The following EDIL3 variants were observed in gnomAD, a reference collection of about 807,000 sequenced individuals.
EDIL3 encodes EGF-like repeat and discoidin I-like domain-containing protein 3.
A neutral mutation model predicts 67.4 loss-of-function variants in EDIL3; 37 were observed. That is an observed-to-expected ratio of 0.55 (90% confidence interval 0.42 to 0.72). The LOEUF (loss-of-function observed/expected upper bound fraction) is 0.72, where lower values mean the gene tolerates loss of function less well. EDIL3 is among the 30% of genes least tolerant of loss of function. The probability of loss-of-function intolerance (pLI) is 0.00; values close to 1 mark genes in which losing one functional copy is unlikely to be tolerated. For synonymous variants in EDIL3, 195 were observed against 196.3 expected (o/e 0.99, Z 0.05); for missense variants, 527 against 586.3 (o/e 0.90, Z 1.04).
At chr5:84,152,079 C>A (rs1371998728) in intron 4 of EDIL3, among the ~76,000 whole-genome samples, 1 of 151,940 alleles carries the variant, frequency 6.6e-6, no homozygotes, top group African/African-American at 2.4e-5. Context: ...GCCACCATGC[C>A]CAGCTAATTT....
intron 6 of EDIL3, among the ~76,000 whole-genome samples, chr5:84,088,957 T>G (rs1747118584): frequency 6.6e-6 from 1 of 152,134 alleles, no homozygotes; most frequent in South Asian, 2.1e-4. Flanking sequence ...TAAAGGAGAA[T>G]AAATACACTC....
intron 6 of EDIL3, among the ~76,000 whole-genome samples, chr5:84,090,208 G>A (rs1747140154): frequency 6.6e-6 from 1 of 152,264 alleles, no homozygotes; most frequent in Admixed American, 6.5e-5. Flanking sequence ...ACTAGTAGAG[G>A]CAGGTTAATA....
At position 83,942,683 on chromosome 5, in the gene EDIL3, T is replaced by C. The variant is rs1348043211; in HGVS notation, c.*736A>G. On this transcript the variant is annotated 3_prime_UTR_variant, in exon 11 of 11. Coordinates refer to ENST00000296591, the MANE Select transcript of EDIL3 (RefSeq NM_005711.5). The stretch of plus-strand genomic sequence containing the variant: ...TTAACGAATATTAAATACAGATCAA[T>C]CTACTGATAGGCAGTCATGTTCTAC... The C allele has an allele frequency of 6.6e-6, 1 of 152,040 alleles. No homozygotes were observed. The highest frequency in any genetic ancestry group is 1.5e-5 in the Non-Finnish European group (1 of 67,966). The allele number at this position is 152,040 out of a possible 1,614,324, so 9.4% of individuals were successfully genotyped here. A position where few individuals can be genotyped will look rare whatever the true frequency, so the allele number is the denominator to read the frequency against.
intron 1 of EDIL3, among the ~76,000 whole-genome samples, chr5:84,362,176 T>C (rs905893565): frequency 1.3e-5 from 2 of 152,116 alleles, no homozygotes; most frequent in Non-Finnish European, 2.9e-5. Flanking sequence ...TTAAAAGATG[T>C]AACAGCATCT....
At chr5:84,105,524 A>C (rs1026787792) in intron 6 of EDIL3, among the ~76,000 whole-genome samples, 1 of 152,020 alleles carries the variant, frequency 6.6e-6, no homozygotes, top group Non-Finnish European at 1.5e-5. Context: ...TGTATAGTAC[A>C]CCTAATTATG....
intron 1 of EDIL3, among the ~76,000 whole-genome samples, chr5:84,312,315 C>T (rs1366877552): frequency 1.5e-5 from 2 of 135,120 alleles, no homozygotes; most frequent in African/African-American, 5.6e-5. Context: ...CCCGACGGGG[C>T]GGCTGGCCGG....
At chr5:84,370,929 AT>A (rs1747829781) in intron 1 of EDIL3, among the ~76,000 whole-genome samples, 1 of 152,078 alleles carries the variant, frequency 6.6e-6, no homozygotes, top group Non-Finnish European at 1.5e-5. Flanking sequence ...GCATGCATGC[AT>A]GCATGCATAA....
At chr5:84,037,983 T>G (rs967626953) in intron 9 of EDIL3, among the ~76,000 whole-genome samples, 56 of 137,350 alleles carry the variant, frequency 4.1e-4, no homozygotes, top group Non-Finnish European at 7.0e-4. Flanking sequence ...TTTTCTTTCT[T>G]TCTTGTTTTT....
At chr5:84,141,944 T>TACATAC (rs1561443822) in intron 4 of EDIL3, among the ~76,000 whole-genome samples, 2 of 102,696 alleles carry the variant, frequency 1.9e-5, no homozygotes, top group African/African-American at 7.8e-5. Flanking sequence ...TATATATATA[T>TACATAC]ATACATAGAT....
chr5:84,194,909 T>C (rs1169347308), intron 3 of EDIL3, among the ~76,000 whole-genome samples: 3 of 151,942 alleles, frequency 2.0e-5, no homozygotes, highest in East Asian at 1.9e-4. Flanking sequence ...CTCAGTTTGA[T>C]TGAAATGATA....
At chr5:83,997,617 A>G (rs192194120) in intron 9 of EDIL3, among the ~76,000 whole-genome samples, 35 of 152,290 alleles carry the variant, frequency 2.3e-4, no homozygotes, top group Non-Finnish European at 4.0e-4. Context: ...CGTTTACTAC[A>G]TAAGTCTAGA....
intron 3 of EDIL3, among the ~76,000 whole-genome samples, chr5:84,216,418 CTA>C (rs1744226611): frequency 1.3e-5 from 2 of 152,208 alleles, no homozygotes; most frequent in Non-Finnish European, 1.5e-5. Flanking sequence ...TTGAATAACT[CTA>C]TATGACTTTT....
intron 6 of EDIL3, among the ~76,000 whole-genome samples, chr5:84,068,468 A>G (rs1274476234): frequency 6.6e-6 from 1 of 152,170 alleles, no homozygotes; most frequent in East Asian, 1.9e-4. Flanking sequence ...AGCTATAGAC[A>G]CTAATTTTCT....
intron 1 of EDIL3, among the ~76,000 whole-genome samples, chr5:84,372,273 T>C (rs1338818700): frequency 6.6e-6 from 1 of 151,970 alleles, no homozygotes; most frequent in Non-Finnish European, 1.5e-5. Flanking sequence ...TGTCAGAAAC[T>C]AAAAAAGAAA....
At chr5:84,039,483 C>G (rs1223334114) in intron 9 of EDIL3, among the ~76,000 whole-genome samples, 1 of 152,120 alleles carries the variant, frequency 6.6e-6, no homozygotes, top group Non-Finnish European at 1.5e-5. Flanking sequence ...AGTTAATAAA[C>G]TATTAGACTT....
chr5:84,324,314 A>C (rs1020037959), intron 1 of EDIL3, among the ~76,000 whole-genome samples: 5 of 151,934 alleles, frequency 3.3e-5, no homozygotes, highest in African/African-American at 9.7e-5. Context: ...ATACTTTTAA[A>C]CAACCAATGG....
intron 9 of EDIL3, among the ~76,000 whole-genome samples, chr5:84,023,741 A>G (rs1389295593): frequency 6.6e-6 from 1 of 152,084 alleles, no homozygotes; most frequent in Admixed American, 6.6e-5. Context: ...GGTTCCCATT[A>G]GTCTTATTAG....
At chr5:84,149,178 C>T (rs1191584079) in intron 4 of EDIL3, among the ~76,000 whole-genome samples, 1 of 151,676 alleles carries the variant, frequency 6.6e-6, no homozygotes, top group African/African-American at 2.4e-5. Flanking sequence ...CAGAATATAC[C>T]CAACAGGAGA....
chr5:83,980,686 T>C (rs1744955496), intron 9 of EDIL3, among the ~76,000 whole-genome samples: 1 of 146,402 alleles, frequency 6.8e-6, no homozygotes, highest in South Asian at 2.1e-4. Context: ...AATATATATA[T>C]ATATATATAT....
Sources: gnomAD v4.1 joint callset for allele counts (sites outside exome capture counted in the v4.1 genomes callset) on GRCh38, gnomAD v4.1.1 for gene constraint, MANE v1.5 for transcripts, NCBI Gene and HGNC (gene_info 2026-07-23, HGNC 2026-07-21) for gene names.